WDPCP: variants seen among roughly 807,000 people sequenced by gnomAD.
WDPCP encodes WD repeat-containing and planar cell polarity effector protein fritz homolog.
Under a neutral mutation model 93.1 loss-of-function variants are expected in WDPCP, and 71 were observed. The ratio of observed to expected loss-of-function variants is 0.76; its 90% CI spans 0.63 to 0.93. The LOEUF (loss-of-function observed/expected upper bound fraction) is 0.93, where lower values mean the gene tolerates loss of function less well. Among genes scored for constraint, WDPCP ranks in the 40% least tolerant of loss-of-function variants. The pLI is 0.00. For synonymous variants in WDPCP, 315 were observed against 315.0 expected, an observed-to-expected ratio of 1.00 and a Z score of 0.00; for missense variants, 844 against 887.4, an observed-to-expected ratio of 0.95 and a Z score of 0.62.
intron 2 of WDPCP, among the ~76,000 whole-genome samples, chr2:63,666,577 GC>G (rs1470413174): frequency 6.6e-6 from 1 of 152,172 alleles, no homozygotes; most frequent in Non-Finnish European, 1.5e-5. Flanking sequence ...TTGTGCCGCT[GC>G]CTTCAGGCTG....
rs139182238 is a variant in WDPCP, at chr2:63,703,267, T to G, written n.309-52429A>C. Among the ~76,000 whole-genome samples, 1,024 of 152,340 alleles carry G rather than the reference T, an allele frequency of 6.7e-3. 24 individuals are homozygous for G. In the East Asian group the frequency reaches 0.078, roughly 12 times the overall value. ...TGGGATGGCTGGGTCAAAGGGTATT[T>G]CTAATTCTAGATCCCTGAGGAATCG... is the stretch of plus-strand genomic sequence containing the variant. On this transcript the variant is annotated intron_variant and non_coding_transcript_variant, in intron 2 of 4. Coordinates refer to the WDPCP transcript ENST00000467687.
intron 2 of WDPCP, among the ~76,000 whole-genome samples, chr2:63,745,252 TA>T (rs2103865640): frequency 6.6e-6 from 1 of 152,336 alleles, no homozygotes; most frequent in African/African-American, 2.4e-5. Context: ...TTCTGCCCTT[TA>T]AAAATTATTT....
At chr2:63,714,802 C>A (rs947118000) in intron 2 of WDPCP, among the ~76,000 whole-genome samples, 1 of 152,234 alleles carries the variant, frequency 6.6e-6, no homozygotes, top group African/African-American at 2.4e-5. Flanking sequence ...GCACTCCAGC[C>A]TGGGTGAGAG....
chr2:63,194,410 C>T (rs1675268653), intron 14 of WDPCP, among the ~76,000 whole-genome samples: 1 of 152,130 alleles, frequency 6.6e-6, no homozygotes, highest in South Asian at 2.1e-4. Flanking sequence ...GTCTTAGTTA[C>T]TTCAAAGTGT....
At chr2:63,313,473 A>G (rs922430259) in intron 12 of WDPCP, among the ~76,000 whole-genome samples, 162 bp from the exon 13 acceptor site, 5 of 152,200 alleles carry the variant, frequency 3.3e-5, no homozygotes, top group African/African-American at 1.2e-4. Context: ...CCATATGTGC[A>G]AAGTTATTAC....
intron 2 of WDPCP, among the ~76,000 whole-genome samples, chr2:63,706,531 A>G (rs1325928244): frequency 7.8e-6 from 1 of 128,052 alleles, no homozygotes; most frequent in African/African-American, 3.0e-5. Flanking sequence ...TCTGTAAAGT[A>G]TTTTATTTCT....
chr2:63,700,819 G>A (rs531996151), intron 2 of WDPCP, among the ~76,000 whole-genome samples: 2 of 152,120 alleles, frequency 1.3e-5, no homozygotes, highest in African/African-American at 4.8e-5. Flanking sequence ...ATAACCATAC[G>A]CAGAAGATTG....
chr2:63,643,857 T>G (rs1039017927), intron 3 of WDPCP: 1 of 540,232 alleles, frequency 1.9e-6, no homozygotes, highest in African/African-American at 1.9e-5. Flanking sequence ...TGCATGCAAA[T>G]CTTCTTTACT....
At chr2:63,204,249 T>C (rs1229191538) in intron 14 of WDPCP, among the ~76,000 whole-genome samples, 1 of 151,992 alleles carries the variant, frequency 6.6e-6, no homozygotes, top group African/African-American at 2.4e-5. Flanking sequence ...CCATTTTAAT[T>C]GGGGTGAGAT....
intron 13 of WDPCP, among the ~76,000 whole-genome samples, chr2:63,289,206 T>C (rs917186908): frequency 1.3e-5 from 2 of 152,118 alleles, no homozygotes; most frequent in African/African-American, 2.4e-5. Flanking sequence ...ATAGCATCCA[T>C]TATGGATTCT....
chr2:63,601,990 C>G (rs1709427640), intron 3 of WDPCP, among the ~76,000 whole-genome samples: 1 of 152,214 alleles, frequency 6.6e-6, no homozygotes, highest in Non-Finnish European at 1.5e-5. Context: ...CCACTCTACC[C>G]TATCCCACAG....
At chr2:63,371,617 G>A (rs1286302220) in intron 12 of WDPCP, among the ~76,000 whole-genome samples, 3 of 151,802 alleles carry the variant, frequency 2.0e-5, no homozygotes, top group African/African-American at 7.3e-5. Context: ...TGCCTTTTTA[G>A]TGAGGCCTTC....
At chr2:63,485,604 C>G (rs972009280) in intron 4 of WDPCP, among the ~76,000 whole-genome samples, 11 of 151,492 alleles carry the variant, frequency 7.3e-5, no homozygotes, top group Non-Finnish European at 1.5e-4. Context: ...AATGATAAGC[C>G]TTCGTTTTGC....
chr2:63,701,418 C>A (rs1336087625), intron 2 of WDPCP, among the ~76,000 whole-genome samples: 1 of 152,134 alleles, frequency 6.6e-6, no homozygotes, highest in Non-Finnish European at 1.5e-5. Flanking sequence ...TAAATTAGTA[C>A]AACCACTATG....
At chr2:63,787,657 C>T (rs777574853) in intron 2 of WDPCP, among the ~76,000 whole-genome samples, 1 of 152,108 alleles carries the variant, frequency 6.6e-6, no homozygotes, top group Non-Finnish European at 1.5e-5. Flanking sequence ...GGGCACTGAC[C>T]ATAATCCACT....
intron 2 of WDPCP, among the ~76,000 whole-genome samples, chr2:63,812,609 T>C (rs1416878290): frequency 6.6e-6 from 1 of 152,194 alleles, no homozygotes; most frequent in East Asian, 1.9e-4. Flanking sequence ...ATAGCCATTC[T>C]GCCTGTCCAC....
At chr2:63,705,077 C>T (rs1183473918) in intron 2 of WDPCP, among the ~76,000 whole-genome samples, 2 of 152,154 alleles carry the variant, frequency 1.3e-5, no homozygotes, top group Admixed American at 6.5e-5. Context: ...TTTTCTAGTT[C>T]ATTTGCATAG....
chr2:63,135,010 C>T lies in WDPCP; in HGVS notation c.2191-12954G>A, dbSNP rs145064596. Among the ~76,000 whole-genome samples, 93 of 152,214 alleles carry T rather than the reference C, an allele frequency of 6.1e-4. No homozygotes were observed. The East Asian group carries it at 0.017, about 27-fold the overall frequency. On this transcript the variant is annotated intron_variant, in intron 17 of 17. Coordinates refer to ENST00000272321, the MANE Select transcript of WDPCP (RefSeq NM_015910.7). ...TGGTGGCACGGGCCTGTAGTGCTAG[C>T]TACCTGGGAGGCTCAGGTGGGAGGA...
chr2:63,397,076 T>C (rs530354265), intron 10 of WDPCP, among the ~76,000 whole-genome samples: 1 of 152,044 alleles, frequency 6.6e-6, no homozygotes, highest in Non-Finnish European at 1.5e-5. Flanking sequence ...AACTGCGGAG[T>C]AGGATGACAA....
Sources: gnomAD v4.1 joint callset for allele counts (sites outside exome capture counted in the v4.1 genomes callset) on GRCh38, gnomAD v4.1.1 for gene constraint, MANE v1.5 for transcripts, NCBI Gene and HGNC (gene_info 2026-07-23, HGNC 2026-07-21) for gene names.